TRAK1: variants seen among roughly 807,000 people sequenced by gnomAD.
TRAK1 encodes the protein trafficking kinesin protein 1, also known as trafficking kinesin-binding protein 1.
Under a neutral mutation model 92.1 loss-of-function variants are expected in TRAK1, and 33 were observed. The ratio of observed to expected loss-of-function variants is 0.36; its 90% CI spans 0.27 to 0.48. The LOEUF (loss-of-function observed/expected upper bound fraction) is 0.48, where lower values mean the gene tolerates loss of function less well. TRAK1 is among the 20% of genes least tolerant of loss of function. The probability of loss-of-function intolerance (pLI) is 0.99; values close to 1 mark genes in which losing one functional copy is unlikely to be tolerated. For missense variants in TRAK1, 1,123 were observed against 1,257.9 expected (o/e 0.89, Z 1.62); for synonymous variants, 521 against 517.3 (o/e 1.01, Z -0.10).
chr3:42,131,383 C>CA (rs1697174959), intron 2 of TRAK1, among the ~76,000 whole-genome samples: 1 of 152,086 alleles, frequency 6.6e-6, no homozygotes, highest in Admixed American at 6.5e-5. Flanking sequence ...TCTGAGCTTC[C>CA]AAATCAGTGG....
intron 1 of TRAK1, among the ~76,000 whole-genome samples, chr3:42,121,911 G>T (rs2133075): frequency 6.6e-6 from 1 of 151,918 alleles, no homozygotes; most frequent in East Asian, 1.9e-4. Flanking sequence ...TCTGCCTCCC[G>T]GGTTCAAGTG....
chr3:42,166,390 G>T (rs777536367), intron 2 of TRAK1, among the ~76,000 whole-genome samples: 109 of 152,090 alleles, frequency 7.2e-4, no homozygotes, highest in Non-Finnish European at 1.8e-4. Context: ...AAATGTCTTG[G>T]TGATAAATGG....
intron 14 of TRAK1, among the ~76,000 whole-genome samples, chr3:42,213,344 A>G (rs1709306621): frequency 6.6e-6 from 1 of 152,224 alleles, no homozygotes; most frequent in African/African-American, 2.4e-5. Flanking sequence ...GGTGTGAGCC[A>G]CCACATCTGG....
chr3:42,013,230 G>C (rs2148870122), upstream of TRAK1, among the ~76,000 whole-genome samples: 1 of 152,316 alleles, frequency 6.6e-6, no homozygotes, highest in East Asian at 1.9e-4. This position sits in a 1 kb window ranked among gnomAD's most constrained non-coding sequence, Gnocchi z 5.1. Context: ...CCTAAGGGCG[G>C]CTTTGCTAGG....
chr3:42,064,145 G>A (rs1703572392), intron 1 of TRAK1, among the ~76,000 whole-genome samples: 1 of 152,152 alleles, frequency 6.6e-6, no homozygotes, highest in South Asian at 2.1e-4. Flanking sequence ...TGTATTGGGT[G>A]GTAATGATAC....
rs574450011 is a variant in TRAK1 at position 42,163,576 on chromosome 3, A to G, written c.287-13238A>G. 6.0e-3 allele frequency among the ~76,000 whole-genome samples: 913 copies of G among 152,038 alleles called. 6 individuals carry two copies. The highest frequency in any genetic ancestry group is 0.021 in the African/African-American group (861 of 41,466). ...GAGCGAGACTCCATCTCAAAGAAAA[A>G]AAAAAAAAAAGGCATGGACCTTCTT... On this transcript the variant is annotated intron_variant, in intron 2 of 15. Transcript: ENST00000327628.
At chr3:42,140,711 A>G (rs566802085) in intron 2 of TRAK1, among the ~76,000 whole-genome samples, 1 of 152,354 alleles carries the variant, frequency 6.6e-6, no homozygotes, top group East Asian at 1.9e-4. Context: ...AGCAAGTGGA[A>G]GGAAGTCCTG....
intron 1 of TRAK1, among the ~76,000 whole-genome samples, chr3:42,110,945 T>C (rs532930288): frequency 8.5e-5 from 13 of 152,280 alleles, no homozygotes; most frequent in African/African-American, 3.1e-4. Flanking sequence ...TTTGCCCTCT[T>C]GGAGCTGTGT....
At chr3:42,182,683 C>A (rs1427325093) in intron 3 of TRAK1, among the ~76,000 whole-genome samples, 2 of 152,200 alleles carry the variant, frequency 1.3e-5, no homozygotes, top group African/African-American at 2.4e-5. Context: ...GAGAGACCAT[C>A]ATCCTGCAAG....
chr3:42,053,718 C>T (rs1359777624), intron 1 of TRAK1, among the ~76,000 whole-genome samples: 1 of 152,098 alleles, frequency 6.6e-6, no homozygotes, highest in African/African-American at 2.4e-5. Context: ...CCTGAACTGC[C>T]CGGGTGAAGG....
upstream of TRAK1, chr3:42,091,264 GC>G: frequency 1.8e-6 from 1 of 547,838 alleles, no homozygotes; most frequent in South Asian, 2.5e-5. Context: ...AACAAGATGA[GC>G]TGATAGGGTT....
At chr3:42,206,420 CAT>C (rs1364323097) in intron 13 of TRAK1, among the ~76,000 whole-genome samples, 18 of 152,294 alleles carry the variant, frequency 1.2e-4, no homozygotes, top group South Asian at 8.3e-4. Flanking sequence ...CGGAGGCTCT[CAT>C]GTGTAAGGCC....
intron 1 of TRAK1, chr3:42,051,293 A>C (rs1702971800): frequency 6.6e-6 from 1 of 152,238 alleles, no homozygotes; most frequent in Admixed American, 6.5e-5. Flanking sequence ...TGCAGATCTC[A>C]TCATATCTGT....
At position 42,130,925 on chromosome 3, in the gene TRAK1, T is replaced by C. The variant is rs187665902; in HGVS notation, c.286+5311T>C. On this transcript the variant is annotated intron_variant, in intron 2 of 15. Transcript: ENST00000327628. Reference sequence around the variant, plus strand: ...GGCCAGGAATTGTGTGCAGGTCTCCTCACCACTCTAGAGTTGTGTCCATAA... The same window carrying C: ...GGCCAGGAATTGTGTGCAGGTCTCCCCACCACTCTAGAGTTGTGTCCATAA... Among the ~76,000 whole-genome samples, 254 of 152,258 alleles carry C rather than the reference T, an allele frequency of 1.7e-3. 1 individual carries two copies. Among genetic ancestry groups the C allele is most frequent in the Non-Finnish European group, 2.7e-3 (184 of 68,020 alleles).
At chr3:42,147,671 G>C (rs1699486081) in intron 2 of TRAK1, among the ~76,000 whole-genome samples, 1 of 152,178 alleles carries the variant, frequency 6.6e-6, no homozygotes, top group Non-Finnish European at 1.5e-5. Flanking sequence ...GTCCACAAGA[G>C]GACAGGACCT....
chr3:42,081,878 G>C (rs1168976683), intron 1 of TRAK1, among the ~76,000 whole-genome samples: 1 of 152,174 alleles, frequency 6.6e-6, no homozygotes, highest in African/African-American at 2.4e-5. Context: ...ATTTATAACT[G>C]TTTTTCTACG....
At chr3:42,162,598 T>C (rs1173664194) in intron 2 of TRAK1, among the ~76,000 whole-genome samples, 1 of 152,180 alleles carries the variant, frequency 6.6e-6, no homozygotes, top group East Asian at 1.9e-4. Context: ...TTCTGTTTGG[T>C]GCACAGCGAT....
At chr3:42,189,523 A>G (rs1705368575) in intron 6 of TRAK1, among the ~76,000 whole-genome samples, 1 of 151,914 alleles carries the variant, frequency 6.6e-6, no homozygotes, top group Non-Finnish European at 1.5e-5. Context: ...AGAGAGCCAT[A>G]TTTCTTTTTC....
chr3:42,061,212 A>G (rs1190299700), intron 1 of TRAK1, among the ~76,000 whole-genome samples: 2 of 151,982 alleles, frequency 1.3e-5, no homozygotes, highest in Admixed American at 6.6e-5. Context: ...ATCTTACGTA[A>G]CCATTGACCT....
Sources: allele counts gnomAD v4.1 joint callset (sites outside exome capture counted in the v4.1 genomes callset), GRCh38; gene constraint gnomAD v4.1.1; non-coding constraint Gnocchi (gnomAD v3.1); transcripts MANE v1.5; gene names NCBI Gene and HGNC (gene_info 2026-07-23, HGNC 2026-07-21).